PIK3CB: variants seen among roughly 807,000 people sequenced by gnomAD.
PIK3CB encodes phosphatidylinositol-4,5-bisphosphate 3-kinase catalytic subunit beta.
PIK3CB carries 39 observed loss-of-function variants against 136.8 expected under a neutral mutation model. The observed-to-expected ratio is 0.29, with a 90% CI of 0.22 to 0.37. The LOEUF (loss-of-function observed/expected upper bound fraction) is 0.37, where lower values mean the gene tolerates loss of function less well. Among genes scored for constraint, PIK3CB ranks in the 10% least tolerant of loss-of-function variants. The pLI, the probability that PIK3CB is intolerant of heterozygous loss-of-function variation, is 1.00. For synonymous variants in PIK3CB, 428 were observed against 436.6 expected (o/e 0.98, Z 0.25); for missense variants, 868 against 1,275.4 (o/e 0.68, Z 4.87).
In PIK3CB at chr3:138,754,123, C is replaced by G. The variant is rs532727728; in HGVS notation, c.397+1631G>C. Among the ~76,000 whole-genome samples, 3 of 152,100 alleles carry G rather than the reference C, an allele frequency of 2.0e-5. No homozygotes were observed. The East Asian group carries it at 5.8e-4, about 29-fold the overall frequency. ...CTTCAACTTTTTATGGGCATGAGAA[C>G]AAAGGGAAAACCTTTTATAATGGAC... On this transcript the variant is annotated intron_variant, in intron 4 of 23. Coordinates refer to ENST00000674063, the MANE Select transcript of PIK3CB (RefSeq NM_006219.3).
At chr3:138,660,938 A>G (rs888006033) in intron 21 of PIK3CB, among the ~76,000 whole-genome samples, 1 of 152,198 alleles carries the variant, frequency 6.6e-6, no homozygotes, top group African/African-American at 2.4e-5. Context: ...TGATTGGTGG[A>G]CTTCCTTGTA....
intron 2 of PIK3CB, among the ~76,000 whole-genome samples, chr3:138,777,307 A>G (rs2045870015): frequency 6.6e-6 from 1 of 152,176 alleles, no homozygotes; most frequent in African/African-American, 2.4e-5. Flanking sequence ...GTAATGCTCT[A>G]CTAATTCCCA....
chr3:138,711,116 T>C (rs1287016516), intron 10 of PIK3CB, among the ~76,000 whole-genome samples: 1 of 150,808 alleles, frequency 6.6e-6, no homozygotes, highest in African/African-American at 2.4e-5. Flanking sequence ...TATTTCTCCC[T>C]AATTAGAGAT....
chr3:138,682,297 C>T (rs760651494), intron 18 of PIK3CB, among the ~76,000 whole-genome samples: 5 of 152,144 alleles, frequency 3.3e-5, no homozygotes, highest in Non-Finnish European at 5.9e-5. Flanking sequence ...AGCATAGCTT[C>T]GGAGAACTTT....
At chr3:138,694,724 C>A in intron 14 of PIK3CB, 62 bp downstream of exon 14, 3 of 1,556,508 alleles carry the variant, frequency 1.9e-6, no homozygotes, top group Admixed American at 1.8e-5. Context: ...CAAGGAGACA[C>A]CCTCATCCCA....
chr3:138,654,140 C>T lies in PIK3CB; in HGVS notation c.*1249G>A, dbSNP rs1042116308. 4.9e-5 allele frequency: 10 copies of T among 205,246 alleles called. No individual in the cohort carries two copies. The highest frequency in any genetic ancestry group is 1.0e-4 in the Non-Finnish European group (10 of 100,470). 12.7% of individuals were successfully genotyped at this position (205,246 alleles called of 1,614,324 possible). A position where few individuals can be genotyped will look rare whatever the true frequency, so the allele number is the denominator to read the frequency against. On this transcript the variant is annotated 3_prime_UTR_variant, in exon 24 of 24. Coordinates refer to ENST00000674063, the MANE Select transcript of PIK3CB (RefSeq NM_006219.3). ...AAAGCTCAGTCATAGGGCAAATACT[C>T]AGTTCTCTTTCCCATATCACCGAGG...
At chr3:138,803,080 GA>G (rs1406659091) in intron 1 of PIK3CB, among the ~76,000 whole-genome samples, 2 of 152,154 alleles carry the variant, frequency 1.3e-5, no homozygotes, top group South Asian at 2.1e-4. Context: ...GAACTTTTCA[GA>G]AAGTTCAGAC....
chr3:138,742,714 G>C lies in PIK3CB; in HGVS notation c.465C>G (p.Phe155Leu). The part of the protein sequence containing the change: ...VNEFRRKMRK[F>L]SEEKILSLVG... ...CAAGTGACAGGATTTTTTCCTCGCT[G>C]AATTTGCGCATTTTTCTTCGAAATT... Residue 155 changes from phenylalanine to leucine, a missense_variant, in exon 5 of 24, where the codon TTC becomes TTG. By Grantham distance (22) the Phe-to-Leu change is conservative. This residue lies in a region of PIK3CB where 612 missense variants were observed against 801.1 expected (regional missense o/e 0.76). Coordinates refer to ENST00000674063, the MANE Select transcript of PIK3CB (RefSeq NM_006219.3). The C allele has an allele frequency of 6.2e-7, 1 of 1,613,502 alleles. No homozygotes were observed. The highest frequency in any genetic ancestry group is 8.5e-7 in the Non-Finnish European group (1 of 1,179,676).
At chr3:138,728,061 C>CT (rs1179725700) in intron 8 of PIK3CB, among the ~76,000 whole-genome samples, 1 of 152,138 alleles carries the variant, frequency 6.6e-6, no homozygotes, top group Admixed American at 6.6e-5. Flanking sequence ...ATCCACCCGC[C>CT]TCGGCCTCCC....
At chr3:138,717,753 T>C (rs1029320502) in intron 8 of PIK3CB, among the ~76,000 whole-genome samples, 8 of 152,180 alleles carry the variant, frequency 5.3e-5, no homozygotes, top group Non-Finnish European at 1.2e-4. Context: ...TAAGTTCTTA[T>C]CATTTAGCTT....
rs529094157 is a variant in PIK3CB at position 138,756,273 on chromosome 3, C to T, written c.172-294G>A. Reference sequence around the variant, plus strand: ...TATAGGAGAGTATATATGGTATTATCCCATGTTTGTAGGGTAATATAATGG... The same window carrying T: ...TATAGGAGAGTATATATGGTATTATTCCATGTTTGTAGGGTAATATAATGG... On this transcript the variant is annotated intron_variant, in intron 3 of 23. Coordinates refer to ENST00000674063, the MANE Select transcript of PIK3CB (RefSeq NM_006219.3). Among the ~76,000 whole-genome samples, 12 of 152,092 alleles carry T rather than the reference C, an allele frequency of 7.9e-5. 1 individual carries two copies. In the South Asian group the frequency reaches 2.5e-3, roughly 32 times the overall value.
intron 13 of PIK3CB, among the ~76,000 whole-genome samples, chr3:138,698,598 G>A (rs955943689): frequency 3.9e-5 from 6 of 152,174 alleles, no homozygotes; most frequent in Admixed American, 2.0e-4. Flanking sequence ...AAACTCTGGA[G>A]TTCACTGATG....
At chr3:138,767,450 G>A (rs994342127) in intron 2 of PIK3CB, among the ~76,000 whole-genome samples, 4 of 152,132 alleles carry the variant, frequency 2.6e-5, no homozygotes, top group Non-Finnish European at 5.9e-5. Flanking sequence ...AATTCCTACT[G>A]TTACAGGATC....
chr3:138,696,981 C>A (rs1364469505), intron 13 of PIK3CB, among the ~76,000 whole-genome samples: 1 of 152,084 alleles, frequency 6.6e-6, no homozygotes, highest in Non-Finnish European at 1.5e-5. Context: ...AACAACTCTA[C>A]CATTGGAAAG....
intron 12 of PIK3CB, among the ~76,000 whole-genome samples, chr3:138,700,704 T>C (rs1261218284): frequency 2.1e-5 from 3 of 139,648 alleles, no homozygotes; most frequent in Non-Finnish European, 4.7e-5. Flanking sequence ...GATAGATAGA[T>C]AGATAGATAG....
At chr3:138,729,972 A>T (rs899156811) in intron 8 of PIK3CB, among the ~76,000 whole-genome samples, 2 of 152,192 alleles carry the variant, frequency 1.3e-5, no homozygotes, top group Non-Finnish European at 2.9e-5. Flanking sequence ...GTTTGGAAAG[A>T]AAGATGTAAA....
At chr3:138,701,745 C>T (rs1577093233) in intron 12 of PIK3CB, among the ~76,000 whole-genome samples, 1 of 144,844 alleles carries the variant, frequency 6.9e-6, no homozygotes, top group Non-Finnish European at 1.5e-5. Flanking sequence ...GAGATCATGC[C>T]ACTGCACTCC....
intron 2 of PIK3CB, among the ~76,000 whole-genome samples, chr3:138,790,768 C>T (rs546524499): frequency 6.7e-6 from 1 of 149,208 alleles, no homozygotes; most frequent in South Asian, 2.1e-4. Flanking sequence ...GAGCCAAGAT[C>T]GTGCCACTGT....
At chr3:138,785,439 T>C (rs186786747) in intron 2 of PIK3CB, among the ~76,000 whole-genome samples, 10 of 152,280 alleles carry the variant, frequency 6.6e-5, no homozygotes, top group South Asian at 2.1e-4. Flanking sequence ...TAGAAAGAAG[T>C]AGACATAGGA....
Sources: gnomAD v4.1 joint callset for allele counts (sites outside exome capture counted in the v4.1 genomes callset) on GRCh38, gnomAD v4.1.1 for gene constraint, gnomAD v4.1.1 regional missense constraint, MANE v1.5 for transcripts, NCBI Gene and HGNC (gene_info 2026-07-23, HGNC 2026-07-21) for gene names.